ANKAR: variants seen among roughly 807,000 people sequenced by gnomAD.
ANKAR encodes the protein ankyrin and armadillo repeat containing.
In ANKAR, 136 loss-of-function variants were observed where a neutral mutation model predicts 146.2. That is an observed-to-expected ratio of 0.93 (90% CI 0.81 to 1.07). The LOEUF (loss-of-function observed/expected upper bound fraction) is 1.07, where lower values mean the gene tolerates loss of function less well. Ranked by LOEUF, ANKAR falls within the 50% of genes least tolerant of loss-of-function variation. The probability of loss-of-function intolerance (pLI) is 0.00; values close to 1 mark genes in which losing one functional copy is unlikely to be tolerated. For missense variants in ANKAR, 1,567 were observed against 1,679.9 expected (o/e 0.93, Z 1.18); for synonymous variants, 500 against 575.8 (o/e 0.87, Z 1.88).
At chr2:189,708,705 A>G (rs1488180245) in intron 9 of ANKAR, among the ~76,000 whole-genome samples, 2 of 152,216 alleles carry the variant, frequency 1.3e-5, no homozygotes, top group African/African-American at 4.8e-5. Flanking sequence ...CAATGGGTTT[A>G]TCAGGAAATA....
rs1559114661 is a variant in ANKAR, at chr2:189,719,778, G to T, written c.2431G>T (p.Ala811Ser). ...CTGTGCTGTCATTCTATATGATATT[G>T]CTCAATGTGAAAACAAGGATGTTAT... The part of the protein sequence containing the change: ...SRCAVILYDI[A>S]QCENKDVIAK... The change falls in exon 11 of 23, where the codon GCT becomes TCT. Residue 811 changes from alanine to serine, a missense_variant. Ala to Ser is a moderately conservative substitution (Grantham distance 99). Coordinates refer to ENST00000684021, the MANE Select transcript of ANKAR (RefSeq NM_001378068.1). 6.3e-7 allele frequency: 1 copy of T among 1,593,150 alleles called. No individual in the cohort carries two copies. The highest frequency in any genetic ancestry group is 2.3e-5 in the East Asian group (1 of 44,390).
At chr2:189,736,203 C>G (rs562413598) in intron 17 of ANKAR, among the ~76,000 whole-genome samples, 1 of 152,174 alleles carries the variant, frequency 6.6e-6, no homozygotes, top group Non-Finnish European at 1.5e-5. Flanking sequence ...TTAATAGCCA[C>G]TTTATAATCT....
chr2:189,709,920 G>A (rs2039461558), intron 9 of ANKAR, among the ~76,000 whole-genome samples: 2 of 152,160 alleles, frequency 1.3e-5, no homozygotes. Context: ...AAATTCACCA[G>A]GGCTGCTGCT....
intron 10 of ANKAR, among the ~76,000 whole-genome samples, chr2:189,712,845 G>A (rs908105519): frequency 1.4e-4 from 21 of 152,068 alleles, no homozygotes; most frequent in African/African-American, 4.8e-4. Context: ...CAGGATATTC[G>A]AACCCATCAC....
chr2:189,689,592 C>A lies in ANKAR; in HGVS notation c.667C>A (p.Pro223Thr). 6.2e-7 allele frequency: 1 copy of A among 1,612,562 alleles called. No homozygotes were observed. Among genetic ancestry groups the A allele is most frequent in the East Asian group, 2.2e-5 (1 of 44,778 alleles). The change falls in exon 3 of 23, where the codon CCA becomes ACA. Residue 223 changes from proline to threonine, a missense_variant. By Grantham distance (38) the Pro-to-Thr change is conservative. Coordinates refer to ENST00000684021, the MANE Select transcript of ANKAR (RefSeq NM_001378068.1). ...EIYDEDVNED[P>T]TYDPNSPEET... ...CTATGATGAAGACGTGAATGAAGAT[C>A]CAACATATGATCCCAACAGCCCTGA...
chr2:189,728,836 T>G lies in ANKAR; in HGVS notation c.3193+15T>G, dbSNP rs752267003. The stretch of plus-strand genomic sequence containing the variant: ...CATTTGTATTGGTTTGTATACTTAT[T>G]CTCAATTTCTTAAATATCTGTAAGA... On this transcript the variant is annotated intron_variant, in intron 15 of 22. Transcript: ENST00000684021. The G allele has an allele frequency of 1.3e-6, 2 of 1,598,572 alleles. No homozygotes were observed. The highest frequency in any genetic ancestry group is 2.7e-5 in the African/African-American group (2 of 74,402).
chr2:189,703,853 ATAAG>A (rs1263114360), intron 7 of ANKAR, among the ~76,000 whole-genome samples: 1 of 152,310 alleles, frequency 6.6e-6, no homozygotes, highest in African/African-American at 2.4e-5. Context: ...CTACTGAGAA[ATAAG>A]TAAGATGAGA....
downstream of ANKAR, chr2:189,761,747 G>GA: frequency 7.3e-7 from 1 of 1,368,112 alleles, no homozygotes; most frequent in Non-Finnish European, 9.5e-7. Context: ...AGAATTACAG[G>GA]AAAGTTTGTA....
intron 10 of ANKAR, among the ~76,000 whole-genome samples, chr2:189,712,810 A>C (rs1274091439): frequency 6.6e-6 from 1 of 152,218 alleles, no homozygotes; most frequent in Admixed American, 6.5e-5. Flanking sequence ...GAAGGTCGGT[A>C]ATAACAAACT....
intron 2 of ANKAR, among the ~76,000 whole-genome samples, chr2:189,683,477 A>G (rs1164730840): frequency 1.3e-5 from 2 of 152,218 alleles, no homozygotes; most frequent in Non-Finnish European, 2.9e-5. Context: ...GTCTGTGTGG[A>G]GCAAAAACTA....
At chr2:189,747,831 G>A (rs1173237345), downstream of ANKAR, among the ~76,000 whole-genome samples, 1 of 152,070 alleles carries the variant, frequency 6.6e-6, no homozygotes, top group Non-Finnish European at 1.5e-5. Flanking sequence ...GGTTACAGGC[G>A]CCTGCCACCA....
intron 19 of ANKAR, 61 bp from the exon 20 acceptor site, chr2:189,741,281 G>A: frequency 7.8e-7 from 1 of 1,285,866 alleles, no homozygotes; most frequent in Non-Finnish European, 1.1e-6. Context: ...TGCAATTAAT[G>A]AAAGTATTAT....
intron 17 of ANKAR, among the ~76,000 whole-genome samples, chr2:189,735,131 C>A (rs1457333021): frequency 6.6e-6 from 1 of 151,952 alleles, no homozygotes; most frequent in East Asian, 1.9e-4. Flanking sequence ...AGCTTTTACT[C>A]CCATTACCTT....
In ANKAR at chr2:189,743,333, G is replaced by C; in HGVS notation, c.3869G>C (p.Arg1290Pro). 1 of 1,613,884 alleles carries C rather than the reference G, an allele frequency of 6.2e-7. No homozygotes were observed. Among genetic ancestry groups the C allele is most frequent in the Middle Eastern group, 1.7e-4 (1 of 6,030 alleles). The change falls in exon 21 of 23, where the codon CGC becomes CCC. Residue 1290 changes from arginine (R) to proline (P), a missense_variant. By Grantham distance (103) the Arg-to-Pro change is moderately radical. Transcript: ENST00000684021. ...GYLTYNANAF[R>P]ILLKECRNKP... Reference sequence around the variant, plus strand: ...TTAACATACAATGCAAATGCTTTCCGCATCCTATTAAAAGAATGCAGGAAT... The same window carrying C: ...TTAACATACAATGCAAATGCTTTCCCCATCCTATTAAAAGAATGCAGGAAT...
chr2:189,719,705 A>G lies in ANKAR; in HGVS notation c.2358A>G (p.Pro786=). 1.2e-6 allele frequency: 2 copies of G among 1,614,198 alleles called. No homozygotes were observed. Among genetic ancestry groups the G allele is most frequent in the Non-Finnish European group, 1.7e-6 (2 of 1,180,028 alleles). The change falls in exon 11 of 23, where the codon CCA becomes CCG. Residue 786 remains proline, a synonymous_variant. Transcript: ENST00000684021. ...VHALVEAGGI[P]SLINLLVCDE... ...CTTTGGTAGAAGCGGGAGGCATTCC[A>G]TCTCTAATCAACCTACTGGTTTGTG... is the stretch of plus-strand genomic sequence containing the variant.
At chr2:189,724,470 T>G (rs1470125660) in intron 12 of ANKAR, among the ~76,000 whole-genome samples, 1 of 152,188 alleles carries the variant, frequency 6.6e-6, no homozygotes, top group Non-Finnish European at 1.5e-5. Context: ...AACTTATTGC[T>G]TTGTTCTTTA....
At chr2:189,721,497 C>T (rs6717922) in intron 12 of ANKAR, among the ~76,000 whole-genome samples, 34,212 of 151,908 alleles carry the variant, frequency 0.23, 4,070 homozygotes, top group African/African-American at 0.29. Flanking sequence ...AGCTATTTTG[C>T]AAGTGACAAC....
At chr2:189,755,369 A>C (rs762351717) in intron 18 of ANKAR, 7 of 1,613,656 alleles carry the variant, frequency 4.3e-6, no homozygotes, top group Non-Finnish European at 5.9e-6. Context: ...TGGCTTTTTT[A>C]ACTGTCCTAC....
chr2:189,760,802 GA>G (rs376762507), intron 18 of ANKAR, among the ~76,000 whole-genome samples: 5,906 of 147,774 alleles, frequency 0.04, 172 homozygotes, highest in African/African-American at 0.073. Context: ...CAAAAAAAAA[GA>G]AAAAAAAAAT....
Sources: allele counts gnomAD v4.1 joint callset (sites outside exome capture counted in the v4.1 genomes callset), GRCh38; gene constraint gnomAD v4.1.1; transcripts MANE v1.5; gene names NCBI Gene and HGNC (gene_info 2026-07-23, HGNC 2026-07-21).